ZCCHC14: variants seen among roughly 807,000 people sequenced by gnomAD.
ZCCHC14 encodes zinc finger CCHC-type containing 14.
In ZCCHC14, 16 loss-of-function variants were observed where a neutral mutation model predicts 85.0. The ratio of observed to expected loss-of-function variants is 0.19; its 90% confidence interval spans 0.13 to 0.29. The LOEUF (loss-of-function observed/expected upper bound fraction) is 0.29, where lower values mean the gene tolerates loss of function less well. Among genes scored for constraint, ZCCHC14 ranks in the 10% least tolerant of loss-of-function variants. The pLI is 1.00. For missense variants in ZCCHC14, 1,303 were observed against 1,443.5 expected (o/e 0.90, Z 1.58); for synonymous variants, 775 against 630.7 (o/e 1.23, Z -3.43).
intron 1 of ZCCHC14, among the ~76,000 whole-genome samples, chr16:87,489,053 A>T (rs373159004): frequency 1.4e-3 from 220 of 152,390 alleles, no homozygotes; most frequent in Non-Finnish European, 2.6e-3. Context: ...CAAACGTTAG[A>T]TTTAGAAACT....
At chr16:87,444,038 GAAA>G (rs56352252) in intron 2 of ZCCHC14, among the ~76,000 whole-genome samples, 3 of 77,092 alleles carry the variant, frequency 3.9e-5, no homozygotes, top group East Asian at 5.2e-4. Flanking sequence ...CTCTATCACA[GAAA>G]AAAAAAAAAA....
chr16:87,423,606 T>A (rs915094612), intron 4 of ZCCHC14, among the ~76,000 whole-genome samples: 11 of 152,108 alleles, frequency 7.2e-5, no homozygotes, highest in East Asian at 5.8e-4. Flanking sequence ...GAAGGAGGCA[T>A]CCGCGGGGTC....
chr16:87,460,206 G>C, intron 1 of ZCCHC14, 75 bp from the exon 2 acceptor site: 2 of 1,545,388 alleles, frequency 1.3e-6, no homozygotes, highest in African/African-American at 1.4e-5. Flanking sequence ...TGTTAATTAA[G>C]TCTTTCATAA....
chr16:87,414,998 C>G (rs1877518611), intron 9 of ZCCHC14, among the ~76,000 whole-genome samples: 1 of 152,232 alleles, frequency 6.6e-6, no homozygotes, highest in South Asian at 2.1e-4. Flanking sequence ...AGGAGAATCG[C>G]TTGAACCTGA....
intron 2 of ZCCHC14, among the ~76,000 whole-genome samples, chr16:87,449,988 T>G (rs188445918): frequency 6.6e-6 from 1 of 152,312 alleles, no homozygotes; most frequent in Non-Finnish European, 1.5e-5. Flanking sequence ...GAGGCTGCAC[T>G]GAACTGAAAA....
chr16:87,428,616 C>G (rs1909493027), intron 3 of ZCCHC14, among the ~76,000 whole-genome samples: 1 of 152,198 alleles, frequency 6.6e-6, no homozygotes, highest in Non-Finnish European at 1.5e-5. Flanking sequence ...AGGGGTCCAT[C>G]TGCTGTTCTG....
intron 1 of ZCCHC14, among the ~76,000 whole-genome samples, chr16:87,469,231 G>T (rs527766190): frequency 5.4e-4 from 82 of 152,226 alleles, no homozygotes; most frequent in Admixed American, 2.8e-3. Flanking sequence ...CTTTTGTACA[G>T]TTCTTCCCAA....
At chr16:87,485,987 T>G (rs1912499377) in intron 1 of ZCCHC14, among the ~76,000 whole-genome samples, 1 of 152,202 alleles carries the variant, frequency 6.6e-6, no homozygotes, top group East Asian at 1.9e-4. Context: ...TACCCAAATA[T>G]GACACAGAAT....
chr16:87,446,548 C>A (rs1427068509), intron 2 of ZCCHC14, among the ~76,000 whole-genome samples: 1 of 151,948 alleles, frequency 6.6e-6, no homozygotes, highest in African/African-American at 2.4e-5. Flanking sequence ...ACATGAATTA[C>A]CTGGCCCTTT....
rs141207066 is a variant in ZCCHC14 at position 87,417,664 on chromosome 16, G to A, written c.1179C>T (p.Ala393=). The change falls in exon 8 of 13, where the codon GCC becomes GCT. Residue 393 remains alanine (A), a synonymous_variant. Coordinates refer to ENST00000671377, the MANE Select transcript of ZCCHC14 (RefSeq NM_015144.3). Reference sequence around the variant, plus strand: ...CATGGGAGCAGTGAGGCAAGGGGGCGGCGGAGCCGGCCGGGTGCTGCCCGT... The same window carrying A: ...CATGGGAGCAGTGAGGCAAGGGGGCAGCGGAGCCGGCCGGGTGCTGCCCGT... ...QHHGQHPAGS[A]APLPHCSHAG... 5.3e-4 allele frequency: 860 copies of A among 1,612,320 alleles called. 16 individuals carry two copies. In the East Asian group the frequency reaches 0.017, roughly 32 times the overall value.
intron 1 of ZCCHC14, among the ~76,000 whole-genome samples, chr16:87,475,187 G>T (rs959590320): frequency 1.3e-5 from 2 of 152,224 alleles, no homozygotes; most frequent in Non-Finnish European, 2.9e-5. Context: ...CTCAGGAACA[G>T]AAAGGCAAAG....
chr16:87,457,345 A>G (rs1357243501), intron 2 of ZCCHC14, among the ~76,000 whole-genome samples: 3 of 152,220 alleles, frequency 2.0e-5, no homozygotes, highest in African/African-American at 7.2e-5. Context: ...AGCCAGCCAC[A>G]GGGTTAAGAG....
chr16:87,414,915 T>C (rs1236721871), intron 9 of ZCCHC14, among the ~76,000 whole-genome samples: 1 of 152,044 alleles, frequency 6.6e-6, no homozygotes, highest in Non-Finnish European at 1.5e-5. Flanking sequence ...ACCCGGTCTC[T>C]TCTAAAAATA....
chr16:87,448,196 T>G (rs1367627838), intron 2 of ZCCHC14, among the ~76,000 whole-genome samples: 1 of 152,182 alleles, frequency 6.6e-6, no homozygotes, highest in Non-Finnish European at 1.5e-5. Flanking sequence ...CTCCAAAATC[T>G]GAAACATTTT....
chr16:87,412,533 G>T lies in ZCCHC14; in HGVS notation c.2188C>A (p.Arg730=). The change falls in exon 12 of 13, where the codon CGG becomes AGG. Residue 730 remains arginine (R), a synonymous_variant. Coordinates refer to ENST00000671377, the MANE Select transcript of ZCCHC14 (RefSeq NM_015144.3). ...SMSPTVSFGP[R]TKVVHASTLD... Reference sequence around the variant, plus strand: ...GTGGATGCATGCACGACTTTGGTCCGGGGACCAAAGGAGACTGTGGGTGAC... The same window carrying T: ...GTGGATGCATGCACGACTTTGGTCCTGGGACCAAAGGAGACTGTGGGTGAC... 1 of 1,613,990 alleles carries T rather than the reference G, an allele frequency of 6.2e-7. No homozygotes were observed.
In ZCCHC14 at chr16:87,492,082, G is replaced by A. The variant is rs1597190779; in HGVS notation, c.157C>T (p.Arg53Cys). The part of the protein sequence containing the change: ...FLGSCLEDLA[R>C]KDYHSLRDSE... ...TCGCGCAGCGAGTGGTAGTCCTTGC[G>A]GGCCAGGTCCTCCAGGCACGAGCCG... Residue 53 changes from arginine to cysteine, a missense_variant, in exon 1 of 13, where the codon CGC (arginine) becomes TGC (cysteine). Arg to Cys is a radical substitution (Grantham distance 180). Coordinates refer to ENST00000671377, the MANE Select transcript of ZCCHC14 (RefSeq NM_015144.3). This position sits in a 1 kb window ranked among gnomAD's most constrained non-coding sequence, Gnocchi z 6.7. The A allele has an allele frequency of 2.1e-6, 3 of 1,396,312 alleles. No homozygotes were observed. The highest frequency in any genetic ancestry group is 1.5e-5 in the South Asian group (1 of 65,428). 86.5% of individuals were successfully genotyped at this position (1,396,312 alleles called of 1,614,324 possible). A position where few individuals can be genotyped will look rare whatever the true frequency, so the allele number is the denominator to read the frequency against.
chr16:87,473,082 G>A (rs1327734927), intron 1 of ZCCHC14: 1 of 152,200 alleles, frequency 6.6e-6, no homozygotes, highest in Non-Finnish European at 1.5e-5. Context: ...AACAGCTTCA[G>A]GGGCAGAGGC....
chr16:87,477,663 C>T (rs1460499487), intron 1 of ZCCHC14, among the ~76,000 whole-genome samples: 4 of 152,148 alleles, frequency 2.6e-5, no homozygotes, highest in Non-Finnish European at 2.9e-5. Context: ...AAAATGGGGA[C>T]AAAAATAGAA....
chr16:87,463,689 G>A (rs1911382018), intron 1 of ZCCHC14, among the ~76,000 whole-genome samples: 1 of 152,160 alleles, frequency 6.6e-6, no homozygotes, highest in African/African-American at 2.4e-5. Flanking sequence ...CAGGTGTGGT[G>A]GCGGGCACCT....
Sources: allele counts gnomAD v4.1 joint callset (sites outside exome capture counted in the v4.1 genomes callset), GRCh38; gene constraint gnomAD v4.1.1; non-coding constraint Gnocchi (gnomAD v3.1); transcripts MANE v1.5; gene names NCBI Gene and HGNC (gene_info 2026-07-23, HGNC 2026-07-21).